KMT5C: variants seen among roughly 807,000 people sequenced by gnomAD.
KMT5C encodes the protein histone-lysine N-methyltransferase KMT5C.
Under a neutral mutation model 38.2 loss-of-function variants are expected in KMT5C, and 16 were observed. The observed-to-expected ratio is 0.42, with a 90% CI of 0.28 to 0.64. The LOEUF is 0.64. Among genes scored for constraint, KMT5C ranks in the 30% least tolerant of loss-of-function variants. The pLI is 0.23. For synonymous variants in KMT5C, 291 were observed against 279.0 expected, an observed-to-expected ratio of 1.04 and a Z score of -0.43; for missense variants, 598 against 665.1, an observed-to-expected ratio of 0.90 and a Z score of 1.11.
intron 6 of KMT5C, chr19:55,344,631 C>G (rs538671426): frequency 6.1e-6 from 3 of 494,234 alleles, no homozygotes; most frequent in Non-Finnish European, 1.2e-5. Context: ...GTGGTGGGAG[C>G]CCCCGGCCTT....
At position 55,347,267 on chromosome 19, in the gene KMT5C, C is replaced by A. The variant is rs868273360; in HGVS notation, c.1207C>A (p.Arg403Ser). Residue 403 changes from arginine (R) to serine (S), a missense_variant, in exon 9 of 9, where the codon CGT becomes AGT. Around this residue, in one of 3 missense-constraint regions of KMT5C, gnomAD observed 326 missense variants for 298.1 expected, o/e 1.09. Transcript: ENST00000255613. This position sits in a 1 kb window ranked among gnomAD's most constrained non-coding sequence, Gnocchi z 4.6. ...GCGCTATGGGCTGCCTTACGTGGTGCGTGTGGACCTTCGTCGCCTGGCCCC... is the reference window on the plus strand; with the variant it reads ...GCGCTATGGGCTGCCTTACGTGGTGAGTGTGGACCTTCGTCGCCTGGCCCC... ...ARRYGLPYVV[R>S]VDLRRLAPAP... 1.3e-6 allele frequency: 2 copies of A among 1,554,950 alleles called. No homozygotes were observed. The highest frequency in any genetic ancestry group is 1.7e-6 in the Non-Finnish European group (2 of 1,152,772).
chr19:55,341,226 C>G (rs2089553117), intron 1 of KMT5C, among the ~76,000 whole-genome samples: 1 of 152,294 alleles, frequency 6.6e-6, no homozygotes, highest in African/African-American at 2.4e-5. Context: ...CGCTTTTGTC[C>G]TCTGAGCCCC....
In KMT5C at chr19:55,341,999, C is replaced by T. The variant is rs751392739; in HGVS notation, c.63C>T (p.Leu21=). 29 of 1,613,798 alleles carry T rather than the reference C, an allele frequency of 1.8e-5. No homozygotes were observed. The highest frequency in any genetic ancestry group is 2.3e-5 in the Non-Finnish European group (27 of 1,179,972). Residue 21 remains leucine (L), a synonymous_variant, in exon 2 of 9, where the codon CTC becomes CTT. Coordinates refer to ENST00000255613, the MANE Select transcript of KMT5C (RefSeq NM_032701.4). ...AGAACGACGACCTGGCCACCAGCCT[C>T]GTCCTGGACCCCTACCTCGGTTTCC... ...LCENDDLATS[L]VLDPYLGFRT... is the part of the protein sequence containing the mutation.
chr19:55,347,060 A>C lies in KMT5C; in HGVS notation c.1000A>C (p.Lys334Gln). The C allele has an allele frequency of 6.4e-7, 1 of 1,572,962 alleles. No individual in the cohort carries two copies. The highest frequency in any genetic ancestry group is 1.3e-5 in the African/African-American group (1 of 74,150). The change falls in exon 9 of 9, where the codon AAG becomes CAG. Residue 334 changes from lysine to glutamine, a missense_variant. Lys to Gln is a moderately conservative substitution (Grantham distance 53, BLOSUM62 1). This residue lies in a region of KMT5C where 326 missense variants were observed against 298.1 expected (regional missense o/e 1.09). Transcript: ENST00000255613. The surrounding 1 kb of genome is among the most constrained non-coding windows in gnomAD (Gnocchi z 4.6). ...PQPQPRVRPR[K>Q]RRRPRPRRAP... Reference sequence around the variant, plus strand: ...GCCCCAGCCCCGAGTGCGGCCCCGGAAGCGCCGACGCCCCCGGCCCCGGAG... The same window carrying C: ...GCCCCAGCCCCGAGTGCGGCCCCGGCAGCGCCGACGCCCCCGGCCCCGGAG...
rs1333703963 is a variant in KMT5C, at chr19:55,343,547, G to T, written c.387-133G>T. 8 of 822,138 alleles carry T rather than the reference G, an allele frequency of 9.7e-6. No homozygotes were observed. In the South Asian group the frequency reaches 1.1e-4, roughly 11 times the overall value. 50.9% of individuals were successfully genotyped at this position (822,138 alleles called of 1,614,324 possible). A position where few individuals can be genotyped will look rare whatever the true frequency, so the allele number is the denominator to read the frequency against. On this transcript the variant is annotated intron_variant, in intron 4 of 8. Transcript: ENST00000255613. The surrounding 1 kb of genome is among the most constrained non-coding windows in gnomAD (Gnocchi z 5.5). ...GGGGAAGAGGGAGATCTGGAAGATGGATCGCCAATAGCCAGCACCAGCGCC... is the reference window on the plus strand; with the variant it reads ...GGGGAAGAGGGAGATCTGGAAGATGTATCGCCAATAGCCAGCACCAGCGCC...
At chr19:55,344,242 G>T in intron 6 of KMT5C, 1 of 380,020 alleles carries the variant, frequency 2.6e-6, no homozygotes, top group East Asian at 5.5e-5. Flanking sequence ...GGCGCCTGTA[G>T]TCTCAGCTAC....
Position 55,346,408 on chromosome 19 carries a change from C to T in KMT5C, c.707+59C>T. 5.0e-6 allele frequency: 8 copies of T among 1,609,974 alleles called. No individual in the cohort carries two copies. In the South Asian group the frequency reaches 7.7e-5, roughly 15 times the overall value. ...CGTCTGGGCTTCTTGAGCCCAGAAA[C>T]GCACCCTCGGGACCCATCCCTGAGT... On this transcript the variant is annotated intron_variant, in intron 7 of 8. Coordinates refer to ENST00000255613, the MANE Select transcript of KMT5C (RefSeq NM_032701.4).
At chr19:55,340,348 C>A (rs1020246047) in intron 1 of KMT5C, among the ~76,000 whole-genome samples, 10 of 151,682 alleles carry the variant, frequency 6.6e-5, no homozygotes, top group Non-Finnish European at 1.0e-4. Context: ...CCTTCTCTCA[C>A]CCCCGGGACC....
In KMT5C at chr19:55,347,811, T is replaced by C; in HGVS notation, c.*362T>C. 4.1e-6 allele frequency: 1 copy of C among 246,316 alleles called. No individual in the cohort carries two copies. Among genetic ancestry groups the C allele is most frequent in the Non-Finnish European group, 7.7e-6 (1 of 129,744 alleles). The allele number at this position is 246,316 out of a possible 1,614,324, so 15.3% of individuals were successfully genotyped here. On this transcript the variant is annotated 3_prime_UTR_variant, in exon 9 of 9. Coordinates refer to ENST00000255613, the MANE Select transcript of KMT5C (RefSeq NM_032701.4). The surrounding 1 kb of genome is among the most constrained non-coding windows in gnomAD (Gnocchi z 4.6). The stretch of plus-strand genomic sequence containing the variant: ...CGGCATCTCCCCAGAAGTACAGGCC[T>C]CAGGAGGAGGTGGAACTGATGTAGG...
At chr19:55,341,689 G>A (rs1347603026) in intron 1 of KMT5C, 105 bp from the exon 2 acceptor site, 1 of 554,164 alleles carries the variant, frequency 1.8e-6, no homozygotes, top group East Asian at 3.1e-5. Flanking sequence ...CTAAGGCGAT[G>A]GCTGACATGG....
chr19:55,347,103 CCCA>C lies in KMT5C; in HGVS notation c.1048_1050del (p.His350del), dbSNP rs2089629436. On this transcript the variant is annotated inframe_deletion, in exon 9 of 9. Coordinates refer to ENST00000255613, the MANE Select transcript of KMT5C (RefSeq NM_032701.4). The surrounding 1 kb of genome is among the most constrained non-coding windows in gnomAD (Gnocchi z 4.6). ...CCCCGGAGGGCCCCAGTGCTCTCCA[CCCA>C]CCACGCTGCCCGCGTCTCCCTGCAC... 7.7e-6 allele frequency: 12 copies of C among 1,560,902 alleles called. No homozygotes were observed. The highest frequency in any genetic ancestry group is 1.0e-5 in the Non-Finnish European group (12 of 1,161,056).
intron 1 of KMT5C, among the ~76,000 whole-genome samples, chr19:55,340,296 A>C: frequency 7.3e-6 from 1 of 136,856 alleles, no homozygotes. Context: ...CTCTCCCTGC[A>C]CCCCCAGGTC....
chr19:55,347,797 C>G lies in KMT5C; in HGVS notation c.*348C>G, dbSNP rs1336521044. 3.5e-6 allele frequency: 1 copy of G among 287,346 alleles called. No homozygotes were observed. The highest frequency in any genetic ancestry group is 2.2e-5 in the African/African-American group (1 of 45,180). The allele number at this position is 287,346 out of a possible 1,614,324, so 17.8% of individuals were successfully genotyped here. ...CAGGGGCCACCCCACGGCATCTCCC[C>G]AGAAGTACAGGCCTCAGGAGGAGGT... On this transcript the variant is annotated 3_prime_UTR_variant, in exon 9 of 9. Coordinates refer to ENST00000255613, the MANE Select transcript of KMT5C (RefSeq NM_032701.4). The surrounding 1 kb of genome is among the most constrained non-coding windows in gnomAD (Gnocchi z 4.6).
intron 2 of KMT5C, 30 bp downstream of exon 2, chr19:55,342,076 C>T (rs757316352): frequency 9.4e-6 from 15 of 1,589,296 alleles, no homozygotes; most frequent in Admixed American, 5.0e-5. Context: ...AGGGTGGGCC[C>T]GAGGGGTCAG....
chr19:55,346,394 C>A lies in KMT5C; in HGVS notation c.707+45C>A, dbSNP rs751106489. 17 of 1,607,744 alleles carry A rather than the reference C, an allele frequency of 1.1e-5. No homozygotes were observed. The Admixed American group carries it at 2.8e-4, about 27-fold the overall frequency. The stretch of plus-strand genomic sequence containing the variant: ...GGCTGGGTTCGGGTCGTCTGGGCTT[C>A]TTGAGCCCAGAAACGCACCCTCGGG... On this transcript the variant is annotated intron_variant, in intron 7 of 8. Coordinates refer to ENST00000255613, the MANE Select transcript of KMT5C (RefSeq NM_032701.4).
chr19:55,343,410 C>G lies in KMT5C; in HGVS notation c.387-270C>G. Reference sequence around the variant, plus strand: ...TTGGGGGCAGGAGGTGCTATGAGAGCGAGGGGAGAGAATGGGGGCTGTATC... The same window carrying G: ...TTGGGGGCAGGAGGTGCTATGAGAGGGAGGGGAGAGAATGGGGGCTGTATC... On this transcript the variant is annotated intron_variant, in intron 4 of 8. Transcript: ENST00000255613. The surrounding 1 kb of genome is among the most constrained non-coding windows in gnomAD (Gnocchi z 5.5). The G allele has an allele frequency of 5.9e-6, 3 of 506,900 alleles. No homozygotes were observed. Among genetic ancestry groups the G allele is most frequent in the Non-Finnish European group, 1.1e-5 (3 of 279,890 alleles). The allele number at this position is 506,900 out of a possible 1,614,324, so 31.4% of individuals were successfully genotyped here. A position where few individuals can be genotyped will look rare whatever the true frequency, so the allele number is the denominator to read the frequency against.
Position 55,343,897 on chromosome 19 carries a change from A to C in KMT5C, c.550+54A>C. 6.2e-7 allele frequency: 1 copy of C among 1,607,638 alleles called. No individual in the cohort carries two copies. Among genetic ancestry groups the C allele is most frequent in the Non-Finnish European group, 8.5e-7 (1 of 1,174,864 alleles). On this transcript the variant is annotated intron_variant, in intron 5 of 8. Coordinates refer to ENST00000255613, the MANE Select transcript of KMT5C (RefSeq NM_032701.4). The surrounding 1 kb of genome is among the most constrained non-coding windows in gnomAD (Gnocchi z 5.5). Reference sequence around the variant, plus strand: ...ACGGGATAGAGCCAGGCAGGGCTGGAGGGGTGTAGTGGGAGGGTTCTGCGA... The same window carrying C: ...ACGGGATAGAGCCAGGCAGGGCTGGCGGGGTGTAGTGGGAGGGTTCTGCGA...
chr19:55,342,008 C>A lies in KMT5C; in HGVS notation c.72C>A (p.Asp24Glu). ...NDDLATSLVL[D>E]PYLGFRTHKM... ...ACCTGGCCACCAGCCTCGTCCTGGA[C>A]CCCTACCTCGGTTTCCGCACCCATA... The change falls in exon 2 of 9, where the codon GAC becomes GAA. Residue 24 changes from aspartate to glutamate, a missense_variant. Physicochemically the swap from Asp to Glu is conservative, Grantham distance 45. Coordinates refer to ENST00000255613, the MANE Select transcript of KMT5C (RefSeq NM_032701.4). The A allele has an allele frequency of 6.2e-7, 1 of 1,613,758 alleles. No homozygotes were observed. Among genetic ancestry groups the A allele is most frequent in the South Asian group, 1.1e-5 (1 of 91,092 alleles).
chr19:55,346,715 A>C (rs1375056939), intron 8 of KMT5C, 28 bp downstream of exon 8: 46 of 1,506,022 alleles, frequency 3.1e-5, no homozygotes, highest in Non-Finnish European at 4.0e-5. Context: ...CCATCCCAGC[A>C]GCCCCTCCCC....
Sources: gnomAD v4.1 joint callset for allele counts (sites outside exome capture counted in the v4.1 genomes callset) on GRCh38, gnomAD v4.1.1 for gene constraint, gnomAD v4.1.1 regional missense constraint, Gnocchi (gnomAD v3.1) non-coding constraint, MANE v1.5 for transcripts, NCBI Gene and HGNC (gene_info 2026-07-23, HGNC 2026-07-21) for gene names.